Variants in RNF112 observed in about 807,000 individuals in gnomAD.
The protein encoded by RNF112 is brain finger protein.
Under a neutral mutation model 64.7 loss-of-function variants are expected in RNF112, and 34 were observed. The observed-to-expected ratio is 0.53, with a 90% CI of 0.40 to 0.70. The LOEUF (loss-of-function observed/expected upper bound fraction) is 0.70, where lower values mean the gene tolerates loss of function less well. RNF112 is among the 30% of genes least tolerant of loss of function. The probability of loss-of-function intolerance (pLI) is 0.00; values close to 1 mark genes in which losing one functional copy is unlikely to be tolerated. For synonymous variants in RNF112, 345 were observed against 344.5 expected (o/e 1.00, Z -0.02); for missense variants, 734 against 850.0 (o/e 0.86, Z 1.70).
At position 19,415,720 on chromosome 17, in the gene RNF112, C is replaced by T. The variant is rs1324103592; in HGVS notation, c.1441C>T (p.Arg481Cys). 5.6e-6 allele frequency: 9 copies of T among 1,610,388 alleles called. No homozygotes were observed. The East Asian group carries it at 1.6e-4, about 28-fold the overall frequency. Residue 481 changes from arginine (R) to cysteine (C), a missense_variant, in exon 14 of 14, where the codon CGC (arginine) becomes TGC (cysteine). Coordinates refer to ENST00000461366, the MANE Select transcript of RNF112 (RefSeq NM_007148.5). The surrounding 1 kb of genome is among the most constrained non-coding windows in gnomAD (Gnocchi z 7.8). Reference sequence around the variant, plus strand: ...CCTGTCACAGGACGTAGCCACCAAGCGCATATTCTCTGCGCTGCGGGTCCT... The same window carrying T: ...CCTGTCACAGGACGTAGCCACCAAGTGCATATTCTCTGCGCTGCGGGTCCT... ...YVRQQDVATK[R>C]IFSALRVLPD...
At position 19,413,030 on chromosome 17, in the gene RNF112, C is replaced by T; in HGVS notation, c.474C>T (p.Cys158=). Residue 158 remains cysteine (C), a synonymous_variant, in exon 4 of 14, where the codon TGC becomes TGT. Transcript: ENST00000461366. This position sits in a 1 kb window ranked among gnomAD's most constrained non-coding sequence, Gnocchi z 5.9. ...LILRMGAINR[C]LKHPLARDTP... ...TTAGGATGGGGGCCATCAACCGCTG[C>T]CTGAAGCACCCTCTGGCCAGGGACA... 6.2e-7 allele frequency: 1 copy of T among 1,612,508 alleles called. No individual in the cohort carries two copies. The highest frequency in any genetic ancestry group is 1.1e-5 in the South Asian group (1 of 90,766).
chr17:19,415,139 G>A lies in RNF112; in HGVS notation c.1228G>A (p.Glu410Lys), dbSNP rs776818469. 1.1e-5 allele frequency: 17 copies of A among 1,609,672 alleles called. No homozygotes were observed. Among genetic ancestry groups the A allele is most frequent in the African/African-American group, 8.0e-5 (6 of 74,582 alleles). The stretch of plus-strand genomic sequence containing the variant: ...GAGCCGCTGCCAGGGGTACTGGAAC[G>A]AGGGGCGCGCCGTGGCCAGGGGGGA... ...AKSRCQGYWN[E>K]GRAVARGDRR... The change falls in exon 11 of 14, where the codon GAG becomes AAG. Residue 410 changes from glutamate to lysine, a missense_variant. Coordinates refer to ENST00000461366, the MANE Select transcript of RNF112 (RefSeq NM_007148.5). This position sits in a 1 kb window ranked among gnomAD's most constrained non-coding sequence, Gnocchi z 7.8.
intron 2 of RNF112, 133 bp downstream of exon 2, chr17:19,411,803 G>T (rs899701483): frequency 3.2e-6 from 3 of 939,816 alleles, no homozygotes; most frequent in East Asian, 2.6e-5. Flanking sequence ...GATCCGCCAG[G>T]CTGTGGAGGG....
chr17:19,415,678 C>A lies in RNF112; in HGVS notation c.1426-27C>A, dbSNP rs754028962. 1.9e-6 allele frequency: 3 copies of A among 1,600,242 alleles called. No homozygotes were observed. Among genetic ancestry groups the A allele is most frequent in the Non-Finnish European group, 1.7e-6 (2 of 1,172,324 alleles). ...GGATACCTGGGACTCCTGGTCAGGG[C>A]ACCTTCTTTTCCCCTCCCTGTCACA... On this transcript the variant is annotated intron_variant, in intron 13 of 13. Coordinates refer to ENST00000461366, the MANE Select transcript of RNF112 (RefSeq NM_007148.5). The surrounding 1 kb of genome is among the most constrained non-coding windows in gnomAD (Gnocchi z 7.8).
Position 19,413,088 on chromosome 17 carries a change from C to T in RNF112, c.532C>T (p.Gln178Ter). The T allele has an allele frequency of 6.2e-7, 1 of 1,613,426 alleles. No individual in the cohort carries two copies. The change falls in exon 4 of 14, where the codon CAG (glutamine) becomes TAG (stop). Residue 178 changes from glutamine (Q) to a stop codon, truncating the protein, a stop_gained. Transcript: ENST00000461366. LOFTEE classifies it high-confidence loss of function. The surrounding 1 kb of genome is among the most constrained non-coding windows in gnomAD (Gnocchi z 5.9). Reference sequence around the variant, plus strand: ...CTGCCTCCTCGCTGTCCTGGGGGAGCAGCACTCAGGGAAGTCCTTCCTCCT... The same window carrying T: ...CTGCCTCCTCGCTGTCCTGGGGGAGTAGCACTCAGGGAAGTCCTTCCTCCT... ...PVCLLAVLGEQHSGKSFLLNH... is the reference protein window; with the variant it reads ...PVCLLAVLGE
Position 19,415,646 on chromosome 17 carries a change from A to C in RNF112, c.1425+54A>C. 1 of 1,603,654 alleles carries C rather than the reference A, an allele frequency of 6.2e-7. No homozygotes were observed. The highest frequency in any genetic ancestry group is 2.2e-5 in the East Asian group (1 of 44,642). ...GTGTGGGCCGGGCAGGGTCCAGATC[A>C]GGGAGAGGATACCTGGGACTCCTGG... is the stretch of plus-strand genomic sequence containing the variant. On this transcript the variant is annotated intron_variant, in intron 13 of 13. Coordinates refer to ENST00000461366, the MANE Select transcript of RNF112 (RefSeq NM_007148.5). This position sits in a 1 kb window ranked among gnomAD's most constrained non-coding sequence, Gnocchi z 7.8.
Position 19,412,771 on chromosome 17 carries a change from C to CCCTG in RNF112, c.371_374dup (p.Leu126CysfsTer27). Reference sequence around the variant, plus strand: ...AGCTCCTGCCGCAGCGGCCGCTGCCCCCTGCACTGCAGGTCTGGGGACTGG... The same window carrying CCCTG: ...AGCTCCTGCCGCAGCGGCCGCTGCCCCCTGCCTGCACTGCAGGTCTGGGGACTGG... On this transcript the variant is annotated frameshift_variant, in exon 3 of 14. Coordinates refer to ENST00000461366, the MANE Select transcript of RNF112 (RefSeq NM_007148.5). LOFTEE classifies it high-confidence loss of function. The surrounding 1 kb of genome is among the most constrained non-coding windows in gnomAD (Gnocchi z 5.1). 6.2e-7 allele frequency: 1 copy of CCCTG among 1,611,636 alleles called. No homozygotes were observed. Among genetic ancestry groups the CCCTG allele is most frequent in the Non-Finnish European group, 8.5e-7 (1 of 1,179,438 alleles).
chr17:19,414,155 C>A lies in RNF112; in HGVS notation c.876+10C>A. The A allele has an allele frequency of 6.2e-7, 1 of 1,601,396 alleles. No homozygotes were observed. Among genetic ancestry groups the A allele is most frequent in the Non-Finnish European group, 8.6e-7 (1 of 1,169,398 alleles). The stretch of plus-strand genomic sequence containing the variant: ...CCTGGACTATCTGGAGGTAAAGAGA[C>A]CTCTGATGTTGGGGCATCCCCCACC... On this transcript the variant is annotated intron_variant, in intron 7 of 13. Coordinates refer to ENST00000461366, the MANE Select transcript of RNF112 (RefSeq NM_007148.5).
At position 19,411,288 on chromosome 17, in the gene RNF112, C is replaced by A; in HGVS notation, c.-121C>A. ...GCTCCTCGGGGATACCATCCCCCGACCTCACCTTCTACCTACCGCAGCCTG... is the reference window on the plus strand; with the variant it reads ...GCTCCTCGGGGATACCATCCCCCGAACTCACCTTCTACCTACCGCAGCCTG... On this transcript the variant is annotated 5_prime_UTR_variant, in exon 1 of 14. Coordinates refer to ENST00000461366, the MANE Select transcript of RNF112 (RefSeq NM_007148.5). 2 of 845,834 alleles carry A rather than the reference C, an allele frequency of 2.4e-6. No individual in the cohort carries two copies. Among genetic ancestry groups the A allele is most frequent in the Non-Finnish European group, 3.7e-6 (2 of 540,532 alleles). 52.4% of individuals were successfully genotyped at this position (845,834 alleles called of 1,614,324 possible).
At position 19,415,388 on chromosome 17, in the gene RNF112, A is replaced by G; in HGVS notation, c.1350+49A>G. On this transcript the variant is annotated intron_variant, in intron 12 of 13. Coordinates refer to ENST00000461366, the MANE Select transcript of RNF112 (RefSeq NM_007148.5). This position sits in a 1 kb window ranked among gnomAD's most constrained non-coding sequence, Gnocchi z 7.8. ...ATTCTGGCAGGGAGACAGGGGAGGC[A>G]GGGAGGTGGGGGCTGTGCCGAGGCC... The G allele has an allele frequency of 6.4e-7, 1 of 1,558,740 alleles. No individual in the cohort carries two copies. Among genetic ancestry groups the G allele is most frequent in the Non-Finnish European group, 8.7e-7 (1 of 1,151,630 alleles).
chr17:19,412,624 C>A lies in RNF112; in HGVS notation c.222C>A (p.His74Gln). 6.2e-7 allele frequency: 1 copy of A among 1,613,576 alleles called. No homozygotes were observed. Among genetic ancestry groups the A allele is most frequent in the Non-Finnish European group, 8.5e-7 (1 of 1,179,814 alleles). The change falls in exon 3 of 14, where the codon CAC becomes CAA. Residue 74 changes from histidine (H) to glutamine (Q), a missense_variant. His to Gln is a conservative substitution (Grantham distance 24, BLOSUM62 0). Transcript: ENST00000461366. The surrounding 1 kb of genome is among the most constrained non-coding windows in gnomAD (Gnocchi z 5.1). ...LRDPISLDCG[H>Q]DFCIRCFSTH... The stretch of plus-strand genomic sequence containing the variant: ...ACCCCATCTCGCTGGACTGTGGCCA[C>A]GACTTCTGCATACGGTGCTTCAGCA...
Position 19,414,364 on chromosome 17 carries a change from C to T in RNF112, c.877-85C>T, listed in dbSNP as rs1913786883. 70 of 1,497,028 alleles carry T rather than the reference C, an allele frequency of 4.7e-5. 1 individual carries two copies. The South Asian group carries it at 6.1e-4, about 13-fold the overall frequency. The allele number at this position is 1,497,028 out of a possible 1,614,324, so 92.7% of individuals were successfully genotyped here. ...GGGGGAGCCTAGCTCCTACAGCAGGCGTAGGGAGGTGGGGAGACAGGCTTG... is the reference window on the plus strand; with the variant it reads ...GGGGGAGCCTAGCTCCTACAGCAGGTGTAGGGAGGTGGGGAGACAGGCTTG... On this transcript the variant is annotated intron_variant, in intron 7 of 13. Coordinates refer to ENST00000461366, the MANE Select transcript of RNF112 (RefSeq NM_007148.5).
intron 10 of RNF112, 54 bp downstream of exon 10, chr17:19,414,941 G>A (rs1356254062): frequency 6.3e-7 from 1 of 1,595,792 alleles, no homozygotes; most frequent in Non-Finnish European, 8.6e-7. Flanking sequence ...CTCCCCTCCG[G>A]CAACCGAGCC....
chr17:19,413,736 A>C lies in RNF112; in HGVS notation c.825+55A>C. The C allele has an allele frequency of 9.8e-6, 13 of 1,325,012 alleles. No individual in the cohort carries two copies. Among genetic ancestry groups the C allele is most frequent in the Non-Finnish European group, 1.4e-5 (13 of 955,594 alleles). The allele number at this position is 1,325,012 out of a possible 1,614,324, so 82.1% of individuals were successfully genotyped here. Reference sequence around the variant, plus strand: ...CACCCCACACACCCTTCTCCAGCTCAGCTTCCTCAAGGCCAGAGCATCTCA... The same window carrying C: ...CACCCCACACACCCTTCTCCAGCTCCGCTTCCTCAAGGCCAGAGCATCTCA... On this transcript the variant is annotated intron_variant, in intron 6 of 13. Coordinates refer to ENST00000461366, the MANE Select transcript of RNF112 (RefSeq NM_007148.5). The surrounding 1 kb of genome is among the most constrained non-coding windows in gnomAD (Gnocchi z 5.9).
chr17:19,414,691 G>A, intron 9 of RNF112, 31 bp downstream of exon 9: 1 of 1,610,290 alleles, frequency 6.2e-7, no homozygotes, highest in South Asian at 1.1e-5. Flanking sequence ...GGGTGGAGGG[G>A]CCATGGACAG....
intron 6 of RNF112, 46 bp from the exon 7 acceptor site, chr17:19,414,048 AC>A: frequency 1.3e-6 from 2 of 1,557,068 alleles, no homozygotes; most frequent in Non-Finnish European, 1.8e-6. Context: ...CAGTGAAGTC[AC>A]CCGGCCTCTG....
chr17:19,414,339 G>C, intron 7 of RNF112, 110 bp from the exon 8 acceptor site: 1 of 1,363,260 alleles, frequency 7.3e-7, no homozygotes, highest in Non-Finnish European at 1.0e-6. Context: ...GGCTGCAAAA[G>C]GGGGAGCCTA....
chr17:19,412,463 C>T lies in RNF112; in HGVS notation c.96-35C>T, dbSNP rs1454073894. On this transcript the variant is annotated intron_variant, in intron 2 of 13. Coordinates refer to ENST00000461366, the MANE Select transcript of RNF112 (RefSeq NM_007148.5). This position sits in a 1 kb window ranked among gnomAD's most constrained non-coding sequence, Gnocchi z 5.1. ...GCCGGTACCCCCTGCCCCCAATAGA[C>T]ATCCTGCTTTTCAATGGCCTGTTTT... The T allele has an allele frequency of 1.9e-6, 3 of 1,597,530 alleles. No individual in the cohort carries two copies. Among genetic ancestry groups the T allele is most frequent in the Non-Finnish European group, 2.6e-6 (3 of 1,174,802 alleles).
Position 19,415,822 on chromosome 17 carries a change from A to C in RNF112, c.1543A>C (p.Lys515Gln), listed in dbSNP as rs747903643. The C allele has an allele frequency of 6.2e-7, 1 of 1,613,742 alleles. No homozygotes were observed. The highest frequency in any genetic ancestry group is 2.2e-5 in the East Asian group (1 of 44,874). The change falls in exon 14 of 14, where the codon AAG becomes CAG. Residue 515 changes from lysine (K) to glutamine (Q), a missense_variant. By Grantham distance (53) the Lys-to-Gln change is moderately conservative (BLOSUM62 1). Transcript: ENST00000461366. The surrounding 1 kb of genome is among the most constrained non-coding windows in gnomAD (Gnocchi z 7.8). ...CCGCCATGGTGTGGCCTTACTCTGC[A>C]AGGGGAGAGATCAGACCTTGGAGGC... ...LARHGVALLC[K>Q]GRDQTLEALE... is the part of the protein sequence containing the mutation.
Sources: gnomAD v4.1 joint callset for allele counts on GRCh38, gnomAD v4.1.1 for gene constraint, Gnocchi (gnomAD v3.1) non-coding constraint, MANE v1.5 for transcripts, NCBI Gene and HGNC (gene_info 2026-07-23, HGNC 2026-07-21) for gene names.